Variants in INPP4B observed in about 807,000 individuals in gnomAD.
INPP4B encodes the protein inositol polyphosphate 4-phosphatase type II.
In INPP4B, 55 loss-of-function variants were observed where a neutral mutation model predicts 122.5. The ratio of observed to expected loss-of-function variants is 0.45; its 90% CI spans 0.36 to 0.56. The LOEUF is 0.56. Among genes scored for constraint, INPP4B ranks in the 20% least tolerant of loss-of-function variants. The pLI, the probability that INPP4B is intolerant of heterozygous loss-of-function variation, is 0.00. For synonymous variants in INPP4B, 403 were observed against 388.7 expected, an observed-to-expected ratio of 1.04 and a Z score of -0.43; for missense variants, 1,000 against 1,097.7, an observed-to-expected ratio of 0.91 and a Z score of 1.26.
At chr4:142,837,963 A>G (rs186899114) in intron 1 of INPP4B, among the ~76,000 whole-genome samples, 128 of 152,218 alleles carry the variant, frequency 8.4e-4, no homozygotes, top group Middle Eastern at 3.4e-3. Context: ...TAAACAATTG[A>G]TAATAATTCA....
chr4:142,530,814 G>A (rs1305855413), intron 2 of INPP4B, among the ~76,000 whole-genome samples: 1 of 151,994 alleles, frequency 6.6e-6, no homozygotes, highest in African/African-American at 2.4e-5. Flanking sequence ...GTGGGAGAAT[G>A]TTTGAAATGT....
intron 25 of INPP4B, among the ~76,000 whole-genome samples, chr4:142,066,445 T>A (rs527931397): frequency 1.3e-5 from 2 of 152,278 alleles, no homozygotes; most frequent in South Asian, 4.1e-4. Flanking sequence ...AAACACTGAT[T>A]GCTGGACCCA....
At chr4:142,395,028 T>C (rs1308638766) in intron 7 of INPP4B, among the ~76,000 whole-genome samples, 1 of 152,250 alleles carries the variant, frequency 6.6e-6, no homozygotes, top group East Asian at 1.9e-4. Context: ...CAAACATCAT[T>C]ATTTCCTTGT....
chr4:142,271,608 A>G (rs974139740), intron 9 of INPP4B, among the ~76,000 whole-genome samples: 5 of 152,200 alleles, frequency 3.3e-5, no homozygotes, highest in African/African-American at 9.6e-5. Context: ...ATTCTCTCCT[A>G]GCAAACATAA....
At chr4:142,107,497 C>T (rs765735785) in intron 23 of INPP4B, among the ~76,000 whole-genome samples, 3 of 152,004 alleles carry the variant, frequency 2.0e-5, no homozygotes, top group Non-Finnish European at 4.4e-5. Flanking sequence ...GTGCTTAATA[C>T]GATGGGGAAA....
intron 5 of INPP4B, among the ~76,000 whole-genome samples, chr4:142,416,223 T>C (rs1337463339): frequency 2.6e-5 from 4 of 152,110 alleles, no homozygotes; most frequent in Non-Finnish European, 4.4e-5. Flanking sequence ...CCTGGAATGT[T>C]GTCTTGAGGA....
At chr4:142,120,943 G>A (rs114090944) in intron 21 of INPP4B, among the ~76,000 whole-genome samples, 1 of 151,938 alleles carries the variant, frequency 6.6e-6, no homozygotes, top group Non-Finnish European at 1.5e-5. Context: ...ATCATTCTAG[G>A]AGCCATGCCC....
At chr4:142,777,691 A>G (rs1479447763) in intron 1 of INPP4B, among the ~76,000 whole-genome samples, 4 of 152,162 alleles carry the variant, frequency 2.6e-5, no homozygotes, top group Non-Finnish European at 5.9e-5. Flanking sequence ...CCCAGAAACT[A>G]CTTACACAAT....
intron 7 of INPP4B, among the ~76,000 whole-genome samples, chr4:142,382,774 T>C (rs1193525475): frequency 6.6e-6 from 1 of 150,570 alleles, no homozygotes; most frequent in Non-Finnish European, 1.5e-5. Flanking sequence ...CCAAGGTGTC[T>C]TGGGCTGTCT....
chr4:142,477,642 A>G (rs1404959168), intron 2 of INPP4B, among the ~76,000 whole-genome samples: 3 of 152,120 alleles, frequency 2.0e-5, no homozygotes, highest in Non-Finnish European at 4.4e-5. Flanking sequence ...AGAGAATACT[A>G]TGAAAAACTC....
chr4:142,257,834 C>T (rs1421087155), intron 11 of INPP4B, among the ~76,000 whole-genome samples: 1 of 151,836 alleles, frequency 6.6e-6, no homozygotes, highest in Admixed American at 6.6e-5. Context: ...ACTTTCTTCA[C>T]AGAATTGGAA....
chr4:142,245,740 C>A (rs1034700390), intron 11 of INPP4B, among the ~76,000 whole-genome samples: 1 of 150,872 alleles, frequency 6.6e-6, no homozygotes, highest in African/African-American at 2.4e-5. Context: ...ATTTCTGAGG[C>A]CTCTATTCTG....
At chr4:142,519,267 T>C (rs900714534) in intron 2 of INPP4B, among the ~76,000 whole-genome samples, 4 of 152,160 alleles carry the variant, frequency 2.6e-5, no homozygotes, top group Non-Finnish European at 5.9e-5. Flanking sequence ...ATGAGGCCCA[T>C]CTGTAAAATT....
intron 22 of INPP4B, among the ~76,000 whole-genome samples, chr4:142,110,140 G>A (rs573558916): frequency 5.2e-4 from 79 of 152,278 alleles, no homozygotes; most frequent in African/African-American, 1.9e-3. Context: ...GGCAATGGCA[G>A]TATTTTGAGA....
chr4:142,537,300 T>C (rs951572716), intron 2 of INPP4B, among the ~76,000 whole-genome samples: 2 of 150,654 alleles, frequency 1.3e-5, no homozygotes, highest in Non-Finnish European at 3.0e-5. Context: ...GATCAAAGTG[T>C]ATACCTTAGA....
intron 1 of INPP4B, among the ~76,000 whole-genome samples, chr4:142,752,908 A>G (rs891823699): frequency 5.9e-5 from 9 of 152,232 alleles, no homozygotes; most frequent in South Asian, 4.1e-4. Context: ...CTAGAATTCA[A>G]TGACCCAGGA....
intron 5 of INPP4B, among the ~76,000 whole-genome samples, chr4:142,415,726 C>T (rs1286593352): frequency 3.9e-5 from 6 of 152,120 alleles, no homozygotes; most frequent in Non-Finnish European, 8.8e-5. Context: ...CGGCACTATT[C>T]ACAATAGCAA....
intron 9 of INPP4B, among the ~76,000 whole-genome samples, chr4:142,282,653 C>T (rs903546184): frequency 5.9e-5 from 9 of 152,242 alleles, no homozygotes; most frequent in South Asian, 2.1e-4. Flanking sequence ...AACACTCAGT[C>T]TCAAGGCCAT....
chr4:142,567,325 C>T (rs1291019769), intron 2 of INPP4B, among the ~76,000 whole-genome samples: 2 of 152,094 alleles, frequency 1.3e-5, no homozygotes, highest in Admixed American at 6.6e-5. Flanking sequence ...ACACTGGGTC[C>T]GAGAGCACAG....
Sources: gnomAD v4.1 joint callset for allele counts (sites outside exome capture counted in the v4.1 genomes callset) on GRCh38, gnomAD v4.1.1 for gene constraint, MANE v1.5 for transcripts, NCBI Gene and HGNC (gene_info 2026-07-23, HGNC 2026-07-21) for gene names.